Variants in KIAA1549 observed in about 807,000 individuals in gnomAD.
The protein encoded by KIAA1549 is KIAA1549, also known as UPF0606 protein KIAA1549.
Under a neutral mutation model 156.4 loss-of-function variants are expected in KIAA1549, and 70 were observed. The observed-to-expected ratio is 0.45, with a 90% CI of 0.37 to 0.55. The LOEUF (loss-of-function observed/expected upper bound fraction) is 0.55. Among genes scored for constraint, KIAA1549 ranks in the 20% least tolerant of loss-of-function variants. The pLI, the probability that KIAA1549 is intolerant of heterozygous loss-of-function variation, is 0.00. For missense variants in KIAA1549, 2,428 were observed against 2,540.9 expected (o/e 0.96, Z 0.96); for synonymous variants, 1,103 against 1,066.4 (o/e 1.03, Z -0.67).
At chr7:138,953,085 G>A (rs1813546554) in intron 1 of KIAA1549, among the ~76,000 whole-genome samples, 1 of 152,232 alleles carries the variant, frequency 6.6e-6, no homozygotes, top group Admixed American at 6.5e-5. Context: ...GCTGGGCACG[G>A]TGGCTCATGC....
In KIAA1549 at chr7:138,903,869, GCA is replaced by G. The variant is rs757510362; in HGVS notation, c.3521-135_3521-134del. 1.4e-3 allele frequency: 903 copies of G among 647,950 alleles called. 12 individuals are homozygous for G. In the African/African-American group the frequency reaches 0.017, roughly 12 times the overall value. 40.1% of individuals were successfully genotyped at this position (647,950 alleles called of 1,614,324 possible). On this transcript the variant is annotated intron_variant, in intron 7 of 19. Coordinates refer to ENST00000422774, the MANE Select transcript of KIAA1549 (RefSeq NM_001164665.2). ...TGTGTGTGTGCGCGCGCGCGCGCGCGCACATATGTATTTGAAATTAATGCAAG... is the reference window on the plus strand; with the variant it reads ...TGTGTGTGTGCGCGCGCGCGCGCGCGCATATGTATTTGAAATTAATGCAAG...
intron 1 of KIAA1549, among the ~76,000 whole-genome samples, chr7:138,968,395 C>T (rs1814099816): frequency 1.3e-5 from 2 of 152,096 alleles, no homozygotes; most frequent in African/African-American, 4.8e-5. Flanking sequence ...ATAAAATTTA[C>T]CCATCTTGTA....
chr7:138,910,908 T>C (rs1035058321), intron 4 of KIAA1549, among the ~76,000 whole-genome samples: 2 of 151,874 alleles, frequency 1.3e-5, no homozygotes, highest in African/African-American at 2.4e-5. Flanking sequence ...GGTATACACT[T>C]TTAGTCCTAA....
chr7:138,870,124 T>C (rs1443125230), intron 13 of KIAA1549, among the ~76,000 whole-genome samples: 2 of 152,072 alleles, frequency 1.3e-5, no homozygotes, highest in Non-Finnish European at 2.9e-5. Context: ...GTGCTGGGAT[T>C]ACAGGTGTGA....
At position 138,836,501 on chromosome 7, in the gene KIAA1549, C is replaced by T. The variant is rs912822193; in HGVS notation, c.*1405G>A. 4.7e-6 allele frequency: 1 copy of T among 214,700 alleles called. No individual in the cohort carries two copies. Among genetic ancestry groups the T allele is most frequent in the African/African-American group, 2.3e-5 (1 of 44,284 alleles). 13.3% of individuals were successfully genotyped at this position (214,700 alleles called of 1,614,324 possible). A position where few individuals can be genotyped will look rare whatever the true frequency, so the allele number is the denominator to read the frequency against. On this transcript the variant is annotated 3_prime_UTR_variant, in exon 20 of 20. Coordinates refer to ENST00000422774, the MANE Select transcript of KIAA1549 (RefSeq NM_001164665.2). ...ATTAAGCGATGCATGACTGTCTTCG[C>T]TGATCTAATAAAAACAGGTTAATAG...
intron 1 of KIAA1549, among the ~76,000 whole-genome samples, chr7:138,939,151 A>G (rs1813102207): frequency 6.6e-6 from 1 of 152,238 alleles, no homozygotes; most frequent in African/African-American, 2.4e-5. Flanking sequence ...CCCAGACATC[A>G]TTAATTTCTG....
rs200423257 is a variant in KIAA1549, at chr7:138,907,062, C to T, written c.3317G>A (p.Arg1106Gln). The T allele has an allele frequency of 1.5e-3, 2,440 of 1,611,186 alleles. 1 individual carries two copies. The highest frequency in any genetic ancestry group is 2.0e-3 in the Non-Finnish European group (2,346 of 1,178,950). Residue 1106 changes from arginine to glutamine, a missense_variant, in exon 6 of 20, where the codon CGG becomes CAG. Arg to Gln is a conservative substitution (Grantham distance 43). Around this residue, in one of 5 missense-constraint regions of KIAA1549, gnomAD observed 762 missense variants for 901.6 expected, o/e 0.85. Coordinates refer to ENST00000422774, the MANE Select transcript of KIAA1549 (RefSeq NM_001164665.2). ...ITISSSRVTPRRGPVNIIFAV... is the reference protein window; with the variant it reads ...ITISSSRVTPQRGPVNIIFAV... ...AAAGATGATATTCACCGGGCCCCGC[C>T]GAGGAGTCACCCTTGAGGAACTGAT...
rs1261989301 is a variant in KIAA1549 at position 138,981,368 on chromosome 7, G to A, written c.-99C>T. 6 of 396,724 alleles carry A rather than the reference G, an allele frequency of 1.5e-5. No individual in the cohort carries two copies. The highest frequency in any genetic ancestry group is 2.1e-4 in the South Asian group (2 of 9,562). The allele number at this position is 396,724 out of a possible 1,614,324, so 24.6% of individuals were successfully genotyped here. A position where few individuals can be genotyped will look rare whatever the true frequency, so the allele number is the denominator to read the frequency against. On this transcript the variant is annotated 5_prime_UTR_variant, in exon 1 of 20. Transcript: ENST00000422774. The surrounding 1 kb of genome is among the most constrained non-coding windows in gnomAD (Gnocchi z 4.5). ...CGGCTGGGACGGGGCGCCGCGCACC[G>A]GCGCGGAGGGAGGCCGGAGAGGCGG...
At position 138,851,863 on chromosome 7, in the gene KIAA1549, C is replaced by T. The variant is rs144768340; in HGVS notation, c.5294+360G>A. 5.9e-3 allele frequency among the ~76,000 whole-genome samples: 897 copies of T among 152,322 alleles called. 6 individuals are homozygous for T. Among genetic ancestry groups the T allele is most frequent in the Admixed American group, 0.012 (178 of 15,302 alleles). ...CTTCCTAGGTGCTTCTTCTGGAATC[C>T]GCAGGTGTCCCTGGGGAAAAAGTGG... is the stretch of plus-strand genomic sequence containing the variant. On this transcript the variant is annotated intron_variant, in intron 17 of 19. Coordinates refer to ENST00000422774, the MANE Select transcript of KIAA1549 (RefSeq NM_001164665.2).
In KIAA1549 at chr7:138,962,549, C is replaced by T. The variant is rs571832712; in HGVS notation, c.187+18534G>A. On this transcript the variant is annotated intron_variant, in intron 1 of 19. Transcript: ENST00000422774. ...AGAAGCCAGCGGCCCCATATGAAGTCCTACTATAAGAAGTCCAAGCTGGTC... is the reference window on the plus strand; with the variant it reads ...AGAAGCCAGCGGCCCCATATGAAGTTCTACTATAAGAAGTCCAAGCTGGTC... 2.0e-5 allele frequency among the ~76,000 whole-genome samples: 3 copies of T among 152,250 alleles called. No homozygotes were observed. In the South Asian group the frequency reaches 6.2e-4, roughly 32 times the overall value.
chr7:138,966,997 C>T (rs1814044785), intron 1 of KIAA1549, among the ~76,000 whole-genome samples: 1 of 152,252 alleles, frequency 6.6e-6, no homozygotes, highest in East Asian at 1.9e-4. Context: ...AACGAGGCTC[C>T]CTAAACACCC....
rs182279510 is a variant in KIAA1549 at position 138,925,618 on chromosome 7, G to C, written c.188-6180C>G. Among the ~76,000 whole-genome samples the C allele has an allele frequency of 1.6e-4, 24 of 152,138 alleles. No individual in the cohort carries two copies. The East Asian group carries it at 4.5e-3, about 28-fold the overall frequency. ...GAGGTGGGAGGCGAGCGAATGGCTTGAGCCCTGGAGTTCACCAGTCTGGGC... is the reference window on the plus strand; with the variant it reads ...GAGGTGGGAGGCGAGCGAATGGCTTCAGCCCTGGAGTTCACCAGTCTGGGC... On this transcript the variant is annotated intron_variant, in intron 1 of 19. Transcript: ENST00000422774.
In KIAA1549 at chr7:138,959,949, C is replaced by T. The variant is rs188282966; in HGVS notation, c.187+21134G>A. 1.3e-4 allele frequency among the ~76,000 whole-genome samples: 20 copies of T among 152,338 alleles called. No homozygotes were observed. In the East Asian group the frequency reaches 3.5e-3, roughly 26 times the overall value. On this transcript the variant is annotated intron_variant, in intron 1 of 19. Coordinates refer to ENST00000422774, the MANE Select transcript of KIAA1549 (RefSeq NM_001164665.2). ...GGACTGGAGAGCAAAAGAGAGACTA[C>T]TGGTCCCTTAACACAAACAAGCTCT...
intron 15 of KIAA1549, among the ~76,000 whole-genome samples, chr7:138,864,465 T>C (rs1248965066): frequency 1.3e-5 from 2 of 152,310 alleles, no homozygotes; most frequent in Admixed American, 1.3e-4. Context: ...TTTCTCCTCA[T>C]TTTGCAGGCG....
intron 18 of KIAA1549, among the ~76,000 whole-genome samples, chr7:138,841,418 A>C (rs57414586): frequency 0.01 from 1,580 of 152,234 alleles, 22 homozygotes; most frequent in African/African-American, 0.035. Context: ...CTCTAGAGCT[A>C]ATTACCCCCC....
chr7:138,977,451 G>C (rs1349253750), intron 1 of KIAA1549, among the ~76,000 whole-genome samples: 1 of 152,168 alleles, frequency 6.6e-6, no homozygotes. Context: ...AATACTCAAT[G>C]CAAGTGATAA....
In KIAA1549 at chr7:138,954,191, C is replaced by T. The variant is rs1475085735; in HGVS notation, c.187+26892G>A. Among the ~76,000 whole-genome samples the T allele has an allele frequency of 4.6e-5, 7 of 152,228 alleles. No homozygotes were observed. In the South Asian group the frequency reaches 1.2e-3, roughly 27 times the overall value. On this transcript the variant is annotated intron_variant, in intron 1 of 19. Transcript: ENST00000422774. ...ATTGCTAGAAGAATATGAAGCAGAG[C>T]GCATTCGTGCAATTTAATTCTATTG...
intron 8 of KIAA1549, among the ~76,000 whole-genome samples, chr7:138,902,647 T>C (rs376344357): frequency 3.9e-4 from 59 of 152,140 alleles, no homozygotes; most frequent in African/African-American, 1.4e-3. Context: ...AGATTTAGGA[T>C]AATATGAGAC....
At chr7:138,935,825 C>T (rs764597508) in intron 1 of KIAA1549, among the ~76,000 whole-genome samples, 6 of 152,146 alleles carry the variant, frequency 3.9e-5, no homozygotes, top group Non-Finnish European at 4.4e-5. Flanking sequence ...ATCAAGGGAT[C>T]AGGAGGCTTA....
Sources: gnomAD v4.1 joint callset for allele counts (sites outside exome capture counted in the v4.1 genomes callset) on GRCh38, gnomAD v4.1.1 for gene constraint, gnomAD v4.1.1 regional missense constraint, Gnocchi (gnomAD v3.1) non-coding constraint, MANE v1.5 for transcripts, NCBI Gene and HGNC (gene_info 2026-07-23, HGNC 2026-07-21) for gene names.